The following CPAMD8 variants were observed in gnomAD, a reference collection of about 807,000 sequenced individuals.
CPAMD8 encodes C3 and PZP-like alpha-2-macroglobulin domain-containing protein 8.
A neutral mutation model predicts 224.7 loss-of-function variants in CPAMD8; 146 were observed. The ratio of observed to expected loss-of-function variants is 0.65; its 90% confidence interval spans 0.57 to 0.75. The LOEUF is 0.75. CPAMD8 is among the 30% of genes least tolerant of loss of function. CPAMD8 has a pLI of 0.00. For missense variants in CPAMD8, 2,301 were observed against 2,537.5 expected, an observed-to-expected ratio of 0.91 and a Z score of 2.00; for synonymous variants, 966 against 1,044.6, an observed-to-expected ratio of 0.92 and a Z score of 1.45.
chr19:17,004,251 A>G, intron 8 of CPAMD8, 22 bp downstream of exon 8: 1 of 1,499,260 alleles, frequency 6.7e-7, no homozygotes. Flanking sequence ...AAATCCCAAG[A>G]CCCTGAGATT....
chr19:16,902,618 A>G (rs1304728585), intron 35 of CPAMD8, 31 bp downstream of exon 35: 1 of 1,444,206 alleles, frequency 6.9e-7, no homozygotes, highest in East Asian at 2.4e-5. Context: ...CCCTCCTGGG[A>G]TGCCCACGCC....
At chr19:16,996,817 T>TAAAAA (rs11332531) in intron 11 of CPAMD8, among the ~76,000 whole-genome samples, 1 of 108,350 alleles carries the variant, frequency 9.2e-6, no homozygotes, top group Non-Finnish European at 1.9e-5. Flanking sequence ...TGACTATCTC[T>TAAAAA]AAAAAAAAAA....
chr19:16,980,775 G>T, intron 13 of CPAMD8, 89 bp from the exon 14 acceptor site: 1 of 1,085,806 alleles, frequency 9.2e-7, no homozygotes, highest in Non-Finnish European at 1.3e-6. Context: ...GCCAGAGGGA[G>T]GTTGGGATGG....
chr19:16,960,325 G>A (rs2054611535), intron 18 of CPAMD8, among the ~76,000 whole-genome samples: 1 of 152,170 alleles, frequency 6.6e-6, no homozygotes, highest in Admixed American at 6.5e-5. Context: ...AGACGTGTGT[G>A]CAAACACAGA....
At chr19:16,906,354 CTTTCTTTCTTTCTTTCTTTCTTTCTT>C (rs1365210915) in intron 30 of CPAMD8, among the ~76,000 whole-genome samples, 1 of 32,048 alleles carries the variant, frequency 3.1e-5, no homozygotes, top group Non-Finnish European at 6.4e-5. Context: ...TTCTTTCTTT[CTTTCTTTCTTTCTTTCTTTCTTTCTT>C]TCTTTCTTTC....
chr19:16,920,630 C>T (rs867753105), intron 27 of CPAMD8, among the ~76,000 whole-genome samples: 10 of 152,016 alleles, frequency 6.6e-5, no homozygotes, highest in South Asian at 2.1e-4. Flanking sequence ...CCAAGGCAGG[C>T]GGATCATCTG....
chr19:17,021,603 C>G (rs2056959107), intron 2 of CPAMD8, among the ~76,000 whole-genome samples: 2 of 152,228 alleles, frequency 1.3e-5, no homozygotes, highest in Admixed American at 1.3e-4. Flanking sequence ...AGGGGAGAGA[C>G]TGGCTGAGGG....
At chr19:16,954,681 A>T (rs2054406341) in intron 19 of CPAMD8, among the ~76,000 whole-genome samples, 1 of 152,256 alleles carries the variant, frequency 6.6e-6, no homozygotes, top group Non-Finnish European at 1.5e-5. Flanking sequence ...ATAGGATATT[A>T]TTCAACCTTA....
At chr19:16,908,374 A>T (rs904604032) in intron 29 of CPAMD8, among the ~76,000 whole-genome samples, 31 of 151,528 alleles carry the variant, frequency 2.0e-4, no homozygotes, top group Middle Eastern at 3.4e-3. Context: ...AAAAAAAAAA[A>T]AATAATAGAA....
chr19:16,901,049 G>T lies in CPAMD8; in HGVS notation c.4773+161C>A, dbSNP rs60122837. 0.25 allele frequency among the ~76,000 whole-genome samples: 35,988 copies of T among 146,072 alleles called. 5,091 individuals carry two copies. The highest frequency in any genetic ancestry group is 0.33 in the Non-Finnish European group (21,502 of 65,780). On this transcript the variant is annotated intron_variant, in intron 36 of 41. Coordinates refer to ENST00000443236, the MANE Select transcript of CPAMD8 (RefSeq NM_015692.5). Reference sequence around the variant, plus strand: ...AAGAAAGAGAAACAGGGTAAAAGGGGAGGGGGAGGGGAAGGGGGAGGGGGA... The same window carrying T: ...AAGAAAGAGAAACAGGGTAAAAGGGTAGGGGGAGGGGAAGGGGGAGGGGGA...
chr19:16,920,886 A>G (rs1478724066), intron 27 of CPAMD8, among the ~76,000 whole-genome samples: 1 of 148,810 alleles, frequency 6.7e-6, no homozygotes, highest in Non-Finnish European at 1.5e-5. Context: ...AAAAGGTCCA[A>G]TGCGTCACAA....
chr19:16,926,340 A>T (rs2053359481), intron 25 of CPAMD8, among the ~76,000 whole-genome samples: 1 of 132,390 alleles, frequency 7.6e-6, no homozygotes, highest in South Asian at 2.1e-4. Context: ...TTATTTTTAG[A>T]TGGAATCTCA....
chr19:16,896,437 C>G lies in CPAMD8; in HGVS notation c.5275+19G>C. On this transcript the variant is annotated intron_variant, in intron 40 of 41. Coordinates refer to ENST00000443236, the MANE Select transcript of CPAMD8 (RefSeq NM_015692.5). ...CAGCGATGGTGTCCCCGAGGCTAGGCGGGGGGTAGGGTCCTCACCGAGGGC... is the reference window on the plus strand; with the variant it reads ...CAGCGATGGTGTCCCCGAGGCTAGGGGGGGGGTAGGGTCCTCACCGAGGGC... 6.8e-7 allele frequency: 1 copy of G among 1,465,454 alleles called. No homozygotes were observed. Among genetic ancestry groups the G allele is most frequent in the Non-Finnish European group, 9.0e-7 (1 of 1,110,480 alleles). The allele number at this position is 1,465,454 out of a possible 1,614,324, so 90.8% of individuals were successfully genotyped here.
At chr19:16,955,057 G>A (rs1207514014) in intron 19 of CPAMD8, among the ~76,000 whole-genome samples, 1 of 152,214 alleles carries the variant, frequency 6.6e-6, no homozygotes, top group Non-Finnish European at 1.5e-5. Flanking sequence ...GAACCCAGGA[G>A]GCAGAGTTTG....
chr19:17,002,386 T>C (rs756081774), intron 8 of CPAMD8, 36 bp from the exon 9 acceptor site: 8 of 1,492,902 alleles, frequency 5.4e-6, no homozygotes, highest in Non-Finnish European at 7.4e-6. Context: ...GGCTGGCTTC[T>C]GTCCCTAAGG....
rs1450141956 is a variant in CPAMD8 at position 16,896,533 on chromosome 19, C to T, written c.5198G>A (p.Ser1733Asn). 6.8e-7 allele frequency: 1 copy of T among 1,463,898 alleles called. No homozygotes were observed. Among genetic ancestry groups the T allele is most frequent in the Non-Finnish European group, 9.0e-7 (1 of 1,117,124 alleles). 90.7% of individuals were successfully genotyped at this position (1,463,898 alleles called of 1,614,324 possible). A position where few individuals can be genotyped will look rare whatever the true frequency, so the allele number is the denominator to read the frequency against. The change falls in exon 40 of 42, where the codon AGC becomes AAC. Residue 1733 changes from serine to asparagine, a missense_variant. Ser to Asn is a conservative substitution (Grantham distance 46). Coordinates refer to ENST00000443236, the MANE Select transcript of CPAMD8 (RefSeq NM_015692.5). ...GGCGGCCTCCCGCAGGCGGCAGGCG[C>T]TGGCGTAGACCACCCCGTCGGAGCC... ...VCGSDGVVYA[S>N]ACRLREAACR...
intron 1 of CPAMD8, among the ~76,000 whole-genome samples, chr19:17,023,707 G>C (rs1351464622): frequency 6.6e-6 from 1 of 152,064 alleles, no homozygotes; most frequent in Non-Finnish European, 1.5e-5. Flanking sequence ...TCAGCCTCCA[G>C]AGTAGCTGGG....
At chr19:16,976,302 C>T in intron 15 of CPAMD8, 151 bp from the exon 16 acceptor site, 1 of 539,622 alleles carries the variant, frequency 1.9e-6, no homozygotes, top group South Asian at 2.4e-5. Flanking sequence ...ATGGTGAAAC[C>T]CCATCTCTAC....
At chr19:16,974,038 C>T (rs1166149836) in intron 17 of CPAMD8, among the ~76,000 whole-genome samples, 2 of 151,636 alleles carry the variant, frequency 1.3e-5, no homozygotes, top group East Asian at 3.9e-4. Context: ...CCGTGTTGGC[C>T]AGGATGGTCT....
Sources: gnomAD v4.1 joint callset for allele counts (sites outside exome capture counted in the v4.1 genomes callset) on GRCh38, gnomAD v4.1.1 for gene constraint, MANE v1.5 for transcripts, NCBI Gene and HGNC (gene_info 2026-07-23, HGNC 2026-07-21) for gene names.